SOX6: variants seen among roughly 807,000 people sequenced by gnomAD.
The protein encoded by SOX6 is transcription factor SOX-6.
A neutral mutation model predicts 97.8 loss-of-function variants in SOX6; 11 were observed. The observed-to-expected ratio is 0.11, with a 90% CI of 0.07 to 0.19. The LOEUF is 0.19. SOX6 is among the 10% of genes least tolerant of loss of function. The probability of loss-of-function intolerance (pLI) is 1.00; values close to 1 mark genes in which losing one functional copy is unlikely to be tolerated. For missense variants in SOX6, 810 were observed against 1,039.5 expected (o/e 0.78, Z 3.04); for synonymous variants, 360 against 371.4 (o/e 0.97, Z 0.35).
At chr11:16,457,652 A>G (rs1004648036) in intron 1 of SOX6, among the ~76,000 whole-genome samples, 3 of 152,066 alleles carry the variant, frequency 2.0e-5, no homozygotes, top group Non-Finnish European at 4.4e-5. Context: ...TCTTGCTGCT[A>G]TACTATGCTT....
At chr11:16,331,115 C>A (rs918474648) in intron 2 of SOX6, among the ~76,000 whole-genome samples, 3 of 152,128 alleles carry the variant, frequency 2.0e-5, no homozygotes, top group African/African-American at 7.2e-5. Flanking sequence ...GGTGTCAGGT[C>A]AATCTTCCTC....
chr11:16,409,334 T>C (rs1858749757), intron 1 of SOX6, among the ~76,000 whole-genome samples: 1 of 151,118 alleles, frequency 6.6e-6, no homozygotes, highest in Non-Finnish European at 1.5e-5. Context: ...AACAGCTATG[T>C]TGGGTTTATG....
At chr11:16,294,055 T>C (rs948110224) in intron 3 of SOX6, among the ~76,000 whole-genome samples, 1 of 151,994 alleles carries the variant, frequency 6.6e-6, no homozygotes, top group Non-Finnish European at 1.5e-5. Flanking sequence ...GAAACAAAAT[T>C]TTAGAAGTTT....
At chr11:16,168,864 G>A (rs1850956135) in intron 6 of SOX6, among the ~76,000 whole-genome samples, 1 of 152,110 alleles carries the variant, frequency 6.6e-6, no homozygotes, top group Non-Finnish European at 1.5e-5. Context: ...CTTTGATAAT[G>A]AGATGTAACC....
chr11:16,492,048 G>C (rs974553163), intron 4 of SOX6, among the ~76,000 whole-genome samples: 31 of 152,040 alleles, frequency 2.0e-4, no homozygotes, highest in African/African-American at 7.5e-4. Flanking sequence ...TAAAAAAGTA[G>C]CTTAAGAATG....
chr11:16,228,499 A>C (rs1852749730), intron 4 of SOX6, among the ~76,000 whole-genome samples: 1 of 152,076 alleles, frequency 6.6e-6, no homozygotes, highest in African/African-American at 2.4e-5. Flanking sequence ...GGTGGTTAAC[A>C]GGGGTAGGAG....
At chr11:16,573,832 G>A (rs1847959521) in intron 4 of SOX6, among the ~76,000 whole-genome samples, 1 of 152,084 alleles carries the variant, frequency 6.6e-6, no homozygotes, top group Non-Finnish European at 1.5e-5. Context: ...AAGCATGTTT[G>A]TTCCTCTTCT....
At chr11:16,323,480 G>T (rs1206114290) in intron 2 of SOX6, among the ~76,000 whole-genome samples, 1 of 152,022 alleles carries the variant, frequency 6.6e-6, no homozygotes, top group Admixed American at 6.6e-5. Context: ...CCATCTCATG[G>T]TATTGAATAT....
At chr11:16,328,842 A>G (rs765395269) in intron 2 of SOX6, among the ~76,000 whole-genome samples, 2 of 152,156 alleles carry the variant, frequency 1.3e-5, no homozygotes, top group Non-Finnish European at 2.9e-5. Flanking sequence ...GTTCTTTCTC[A>G]GAGGAAAAAA....
At chr11:16,327,973 A>T (rs1856152552) in intron 2 of SOX6, among the ~76,000 whole-genome samples, 1 of 152,126 alleles carries the variant, frequency 6.6e-6, no homozygotes, top group South Asian at 2.1e-4. Flanking sequence ...GAATGAATTA[A>T]ATCTATTCAT....
intron 2 of SOX6, among the ~76,000 whole-genome samples, chr11:16,319,991 T>C (rs1317526739): frequency 6.6e-6 from 1 of 152,116 alleles, no homozygotes; most frequent in Admixed American, 6.6e-5. Context: ...GAGGTTTAGA[T>C]GGATCAGCTG....
intron 6 of SOX6, among the ~76,000 whole-genome samples, chr11:16,164,300 T>C (rs1850829274): frequency 6.6e-6 from 1 of 152,158 alleles, no homozygotes; most frequent in South Asian, 2.1e-4. Flanking sequence ...TAACTATACC[T>C]TGCTTAAAAG....
chr11:16,047,142 A>G (rs996820172), intron 11 of SOX6, among the ~76,000 whole-genome samples: 17 of 152,144 alleles, frequency 1.1e-4, no homozygotes, highest in Non-Finnish European at 1.9e-4. Context: ...AATACAACAC[A>G]GTCATTTCTG....
intron 3 of SOX6, among the ~76,000 whole-genome samples, chr11:16,251,049 T>C (rs1853493893): frequency 6.6e-6 from 1 of 152,092 alleles, no homozygotes; most frequent in African/African-American, 2.4e-5. Context: ...TAAAACAATC[T>C]ATGGGGCAAA....
At chr11:16,136,599 T>G (rs1174762413) in intron 6 of SOX6, among the ~76,000 whole-genome samples, 2 of 151,950 alleles carry the variant, frequency 1.3e-5, no homozygotes, top group Non-Finnish European at 2.9e-5. Flanking sequence ...ACCCAACTAA[T>G]TTTTTAAAAA....
At chr11:16,666,505 T>A (rs1240798188) in intron 3 of SOX6, among the ~76,000 whole-genome samples, 1 of 152,214 alleles carries the variant, frequency 6.6e-6, no homozygotes, top group East Asian at 1.9e-4. Context: ...GAAGACAGGC[T>A]ATTTGAAAAT....
intron 2 of SOX6, among the ~76,000 whole-genome samples, chr11:16,734,890 G>A (rs1456486660): frequency 4.6e-5 from 7 of 152,028 alleles, no homozygotes; most frequent in Non-Finnish European, 1.0e-4. Flanking sequence ...TTGTTGTGGT[G>A]GGCTAATCAA....
intron 1 of SOX6, among the ~76,000 whole-genome samples, chr11:16,474,820 C>T (rs61881805): frequency 0.17 from 26,355 of 152,172 alleles, 2,770 homozygotes; most frequent in Admixed American, 0.3. Flanking sequence ...CAGGCGCTGA[C>T]TTTTCCTCTC....
chr11:16,569,459 C>T (rs1404950845), intron 4 of SOX6, among the ~76,000 whole-genome samples: 1 of 152,040 alleles, frequency 6.6e-6, no homozygotes, highest in African/African-American at 2.4e-5. Flanking sequence ...TCAGTTAGCA[C>T]ACAGTACGTA....
Sources: gnomAD v4.1 joint callset for allele counts (sites outside exome capture counted in the v4.1 genomes callset) on GRCh38, gnomAD v4.1.1 for gene constraint, MANE v1.5 for transcripts, NCBI Gene and HGNC (gene_info 2026-07-23, HGNC 2026-07-21) for gene names.